The following SIGLECL1 variants were observed in gnomAD, a reference collection of about 807,000 sequenced individuals.
SIGLECL1 encodes SIGLEC family-like protein 1.
A neutral mutation model predicts 19.1 loss-of-function variants in SIGLECL1; 16 were observed. That is an observed-to-expected ratio of 0.84 (90% CI 0.57 to 1.27). SIGLECL1 has a LOEUF of 1.27. Ranked by LOEUF, SIGLECL1 falls within the 50% of genes most tolerant of loss-of-function variation. SIGLECL1 has a pLI of 0.00. For missense variants in SIGLECL1, 210 were observed against 239.4 expected (o/e 0.88, Z 0.81); for synonymous variants, 89 against 90.4 (o/e 0.98, Z 0.09).
At chr19:51,267,644 C>A in intron 5 of SIGLECL1, 115 bp downstream of exon 5, 1 of 1,221,248 alleles carries the variant, frequency 8.2e-7, no homozygotes, top group Non-Finnish European at 1.2e-6. Context: ...TGCAGGATAC[C>A]TAATGCTAGA....
At chr19:51,259,186 G>T (rs1983028364) in intron 1 of SIGLECL1, among the ~76,000 whole-genome samples, 1 of 68,508 alleles carries the variant, frequency 1.5e-5, no homozygotes, top group Non-Finnish European at 2.8e-5. Context: ...TGGTTAGATT[G>T]CGAAGACATA....
At chr19:51,256,361 T>C (rs956977111) in intron 1 of SIGLECL1, among the ~76,000 whole-genome samples, 5 of 152,282 alleles carry the variant, frequency 3.3e-5, no homozygotes, top group African/African-American at 4.8e-5. Context: ...CATCTTGCCA[T>C]TTGCAGCAAC....
upstream of SIGLECL1, among the ~76,000 whole-genome samples, chr19:51,247,928 T>C (rs1982319892): frequency 6.6e-6 from 1 of 152,178 alleles, no homozygotes; most frequent in Non-Finnish European, 1.5e-5. Flanking sequence ...CCTGAGGTTC[T>C]AATTTCTTTG....
At chr19:51,268,484 G>C in intron 5 of SIGLECL1, 87 bp from the exon 6 acceptor site, 1 of 1,378,402 alleles carries the variant, frequency 7.3e-7, no homozygotes, top group Non-Finnish European at 1.0e-6. Context: ...GTGCACAAGG[G>C]GGTGTCTTTT....
chr19:51,259,870 T>C (rs1983086745), intron 1 of SIGLECL1, among the ~76,000 whole-genome samples: 1 of 152,244 alleles, frequency 6.6e-6, no homozygotes, highest in Non-Finnish European at 1.5e-5. Context: ...TGTCTATTAA[T>C]AGCTCTTGAT....
chr19:51,262,651 T>C (rs1983316918), intron 1 of SIGLECL1, among the ~76,000 whole-genome samples: 1 of 152,210 alleles, frequency 6.6e-6, no homozygotes, highest in South Asian at 2.1e-4. Context: ...TAGAAGTTAT[T>C]TTTATGTATG....
intron 1 of SIGLECL1, among the ~76,000 whole-genome samples, chr19:51,261,781 C>CT (rs1983246411): frequency 6.6e-6 from 1 of 152,206 alleles, no homozygotes; most frequent in Non-Finnish European, 1.5e-5. Flanking sequence ...ATGATTTCTA[C>CT]TTGTCCCAAC....
rs945219148 is a variant in SIGLECL1 at position 51,251,309 on chromosome 19, G to C, written c.-427G>C. On this transcript the variant is annotated 5_prime_UTR_variant, in exon 1 of 6. Transcript: ENST00000601727. Reference sequence around the variant, plus strand: ...CTAACTGGGCTTCCAGTCAGCGTCAGTCAGCGGATCCTTGGGCCGTGGGGC... The same window carrying C: ...CTAACTGGGCTTCCAGTCAGCGTCACTCAGCGGATCCTTGGGCCGTGGGGC... The C allele has an allele frequency of 1.2e-4, 18 of 152,616 alleles. No individual in the cohort carries two copies. The highest frequency in any genetic ancestry group is 4.3e-4 in the African/African-American group (18 of 41,472). The allele number at this position is 152,616 out of a possible 1,614,324, so 9.5% of individuals were successfully genotyped here.
chr19:51,248,296 C>G (rs929286658), upstream of SIGLECL1, among the ~76,000 whole-genome samples: 1 of 152,184 alleles, frequency 6.6e-6, no homozygotes, highest in Admixed American at 6.5e-5. Flanking sequence ...ACATTATACC[C>G]GATCAAACCA....
At chr19:51,262,666 G>A (rs566835998) in intron 1 of SIGLECL1, among the ~76,000 whole-genome samples, 1 of 152,252 alleles carries the variant, frequency 6.6e-6, no homozygotes, top group African/African-American at 2.4e-5. Context: ...TGTATGACAT[G>A]AGGTAGGGGT....
intron 1 of SIGLECL1, among the ~76,000 whole-genome samples, chr19:51,252,424 T>C (rs1982549939): frequency 6.6e-6 from 1 of 151,562 alleles, no homozygotes; most frequent in Non-Finnish European, 1.5e-5. Context: ...AATGGATCAT[T>C]ACATCTCCAG....
chr19:51,257,361 G>A (rs1304783799), intron 1 of SIGLECL1, among the ~76,000 whole-genome samples: 1 of 151,074 alleles, frequency 6.6e-6, no homozygotes, highest in African/African-American at 2.4e-5. Flanking sequence ...AACTGTGAAT[G>A]CTCCGTTGCA....
rs746772602 is a variant in SIGLECL1 at position 51,267,547 on chromosome 19, C to A, written c.567+18C>A. On this transcript the variant is annotated intron_variant, in intron 5 of 5. Coordinates refer to ENST00000601727, the MANE Select transcript of SIGLECL1 (RefSeq NM_001385465.1). ...GGATATTGGTATGTACCTATTGTGTCTGGAATCTAGTCTATCGGAATACTG... is the reference window on the plus strand; with the variant it reads ...GGATATTGGTATGTACCTATTGTGTATGGAATCTAGTCTATCGGAATACTG... 3.7e-6 allele frequency: 6 copies of A among 1,613,152 alleles called. No homozygotes were observed. The South Asian group carries it at 5.5e-5, about 15-fold the overall frequency.
At chr19:51,256,532 T>G (rs556685048) in intron 1 of SIGLECL1, among the ~76,000 whole-genome samples, 21 of 152,298 alleles carry the variant, frequency 1.4e-4, no homozygotes, top group African/African-American at 4.8e-4. Context: ...GGAAATGAGA[T>G]ATTGATCAAG....
upstream of SIGLECL1, among the ~76,000 whole-genome samples, chr19:51,247,583 TA>T (rs1054331316): frequency 4.0e-4 from 61 of 152,270 alleles, no homozygotes; most frequent in African/African-American, 1.2e-3. Flanking sequence ...CACGTCCAGC[TA>T]ATTTTTGTAT....
At chr19:51,263,279 T>C (rs1230455109) in intron 1 of SIGLECL1, among the ~76,000 whole-genome samples, 2 of 152,242 alleles carry the variant, frequency 1.3e-5, no homozygotes, top group Non-Finnish European at 2.9e-5. Flanking sequence ...TGCCATGCTA[T>C]ACAATGTTAC....
intron 1 of SIGLECL1, among the ~76,000 whole-genome samples, chr19:51,255,263 G>GAAAA (rs113540507): frequency 1.1e-5 from 1 of 92,626 alleles, no homozygotes; most frequent in Non-Finnish European, 2.7e-5. Context: ...CCTGTCTCAA[G>GAAAA]AAAAAAAAAA....
chr19:51,247,410 T>C (rs1320211569), upstream of SIGLECL1, among the ~76,000 whole-genome samples: 1 of 146,534 alleles, frequency 6.8e-6, no homozygotes, highest in Non-Finnish European at 1.5e-5. Context: ...CGAAAACCAC[T>C]ATGTTGCCCA....
intron 4 of SIGLECL1, 27 bp downstream of exon 4, chr19:51,265,909 G>C: frequency 6.2e-7 from 1 of 1,607,964 alleles, no homozygotes; most frequent in South Asian, 1.1e-5. Context: ...ATATTCACCC[G>C]CAAGCCTACT....
Sources: allele counts gnomAD v4.1 joint callset (sites outside exome capture counted in the v4.1 genomes callset), GRCh38; gene constraint gnomAD v4.1.1; transcripts MANE v1.5; gene names NCBI Gene and HGNC (gene_info 2026-07-23, HGNC 2026-07-21).